Variants in RARB observed in about 807,000 individuals in gnomAD.
The protein encoded by RARB is retinoic acid receptor beta, also known as HBV-activated protein.
RARB carries 17 observed loss-of-function variants against 51.9 expected under a neutral mutation model. The observed-to-expected ratio is 0.33, with a 90% CI of 0.22 to 0.49. RARB has a LOEUF of 0.49. RARB is among the 20% of genes least tolerant of loss of function. The pLI is 0.99. For synonymous variants in RARB, 215 were observed against 195.4 expected (o/e 1.10, Z -0.84); for missense variants, 369 against 550.8 (o/e 0.67, Z 3.30).
intron 2 of RARB, among the ~76,000 whole-genome samples, chr3:25,010,364 A>G (rs534483949): frequency 3.9e-5 from 6 of 152,314 alleles, no homozygotes; most frequent in South Asian, 2.1e-4. Context: ...ATGACAATCA[A>G]TTTTATAACT....
intron 5 of RARB, among the ~76,000 whole-genome samples, chr3:25,230,745 C>G (rs940493517): frequency 6.6e-6 from 1 of 152,040 alleles, no homozygotes; most frequent in Non-Finnish European, 1.5e-5. Context: ...ACTCCAGGGC[C>G]CACAGGTTTT....
At chr3:25,099,052 C>T (rs1009781746) in intron 3 of RARB, among the ~76,000 whole-genome samples, 5 of 152,080 alleles carry the variant, frequency 3.3e-5, no homozygotes, top group Non-Finnish European at 7.3e-5. Context: ...CAGTGCTTGG[C>T]TGTGTACCTA....
chr3:25,382,430 G>A (rs1706656083), intron 5 of RARB, among the ~76,000 whole-genome samples: 1 of 152,162 alleles, frequency 6.6e-6, no homozygotes, highest in Non-Finnish European at 1.5e-5. Flanking sequence ...GCAGGGACAT[G>A]GACTGGGTAG....
chr3:25,358,347 C>T (rs558075395), intron 5 of RARB, among the ~76,000 whole-genome samples: 11 of 152,302 alleles, frequency 7.2e-5, no homozygotes, highest in African/African-American at 1.7e-4. Context: ...TAAGGCTTTG[C>T]TGAAGTTACT....
chr3:24,901,451 G>A (rs912913056), intron 2 of RARB, among the ~76,000 whole-genome samples: 2 of 152,136 alleles, frequency 1.3e-5, no homozygotes. Context: ...ATGTAGCCCA[G>A]GCTGGCCTGG....
At chr3:24,896,382 C>T (rs1037759152) in intron 2 of RARB, among the ~76,000 whole-genome samples, 8 of 152,112 alleles carry the variant, frequency 5.3e-5, no homozygotes, top group Non-Finnish European at 7.3e-5. Flanking sequence ...GCTTCAGCCT[C>T]CTGAGTAGCT....
intron 2 of RARB, among the ~76,000 whole-genome samples, chr3:25,476,235 T>A (rs1695935708): frequency 6.6e-6 from 1 of 152,184 alleles, no homozygotes; most frequent in South Asian, 2.1e-4. Context: ...AATGGGCAGT[T>A]GCCAATGTTT....
chr3:25,198,949 C>A (rs960967280), intron 5 of RARB, among the ~76,000 whole-genome samples: 1 of 151,840 alleles, frequency 6.6e-6, no homozygotes, highest in African/African-American at 2.4e-5. Flanking sequence ...TGGTATATAC[C>A]CCCAAAAAAG....
intron 5 of RARB, among the ~76,000 whole-genome samples, chr3:25,376,514 T>C (rs1202993629): frequency 6.6e-6 from 1 of 152,212 alleles, no homozygotes; most frequent in Non-Finnish European, 1.5e-5. Flanking sequence ...TGGGAGACTC[T>C]ACGATACACG....
At chr3:25,089,312 T>A (rs1018675459) in intron 3 of RARB, among the ~76,000 whole-genome samples, 3 of 151,950 alleles carry the variant, frequency 2.0e-5, no homozygotes, top group African/African-American at 7.2e-5. Flanking sequence ...AAGACCAGAG[T>A]AATATAGCAC....
intron 2 of RARB, among the ~76,000 whole-genome samples, chr3:24,867,789 G>A (rs1257206591): frequency 6.6e-6 from 1 of 151,154 alleles, no homozygotes; most frequent in Non-Finnish European, 1.5e-5. Context: ...CCATTAAGTT[G>A]AAAAATCAAC....
At chr3:25,232,933 G>A (rs1193988789) in intron 5 of RARB, among the ~76,000 whole-genome samples, 7 of 151,458 alleles carry the variant, frequency 4.6e-5, no homozygotes, top group South Asian at 2.1e-4. Flanking sequence ...AAGCTATGAC[G>A]CTGGGTATGC....
chr3:25,583,555 G>A (rs937631926), intron 5 of RARB, among the ~76,000 whole-genome samples: 4 of 152,234 alleles, frequency 2.6e-5, no homozygotes, highest in East Asian at 1.9e-4. Flanking sequence ...GGTCAGCTGC[G>A]GGACACGCAG....
At chr3:24,911,401 T>C (rs1266079782) in intron 2 of RARB, among the ~76,000 whole-genome samples, 1 of 152,202 alleles carries the variant, frequency 6.6e-6, no homozygotes, top group Non-Finnish European at 1.5e-5. Context: ...TTAAGGATGC[T>C]AAACCTGGAA....
At chr3:25,448,459 G>A (rs1385425285) in intron 1 of RARB, among the ~76,000 whole-genome samples, 1 of 152,024 alleles carries the variant, frequency 6.6e-6, no homozygotes, top group African/African-American at 2.4e-5. Context: ...AGAAACTTGA[G>A]AATCTTTTCT....
rs1275706560 is a variant in RARB at position 25,312,983 on chromosome 3, G to C, written c.178+138408G>C. ...CTGGATTCTCGAGGCATTTGAATTTGTGTCTTCAAGTCTGGAGGCAGCATC... is the reference window on the plus strand; with the variant it reads ...CTGGATTCTCGAGGCATTTGAATTTCTGTCTTCAAGTCTGGAGGCAGCATC... On this transcript the variant is annotated intron_variant, in intron 5 of 11. Coordinates refer to the RARB transcript ENST00000383772. Among the ~76,000 whole-genome samples, 5 of 152,302 alleles carry C rather than the reference G, an allele frequency of 3.3e-5. No homozygotes were observed. The South Asian group carries it at 1.0e-3, about 32-fold the overall frequency.
At chr3:25,201,676 C>G (rs1012021823) in intron 5 of RARB, among the ~76,000 whole-genome samples, 19 of 152,162 alleles carry the variant, frequency 1.2e-4, no homozygotes, top group African/African-American at 4.6e-4. Flanking sequence ...TTTTCTGCAT[C>G]TGTTGAGATA....
chr3:25,318,239 C>T (rs1704477966), intron 5 of RARB, among the ~76,000 whole-genome samples: 1 of 152,110 alleles, frequency 6.6e-6, no homozygotes, highest in Admixed American at 6.6e-5. Context: ...ACAGCCATCA[C>T]GATAGCTAGT....
At chr3:24,942,144 C>A (rs748394945) in intron 2 of RARB, among the ~76,000 whole-genome samples, 2 of 152,170 alleles carry the variant, frequency 1.3e-5, no homozygotes, top group Non-Finnish European at 2.9e-5. Context: ...CGCTATTATG[C>A]GGTAAAACTG....
Sources: allele counts gnomAD v4.1 joint callset (sites outside exome capture counted in the v4.1 genomes callset), GRCh38; gene constraint gnomAD v4.1.1; transcripts MANE v1.5; gene names NCBI Gene and HGNC (gene_info 2026-07-23, HGNC 2026-07-21).